The following ELF2 variants were observed in gnomAD, a reference collection of about 807,000 sequenced individuals.
ELF2 encodes ETS-related transcription factor Elf-2.
A neutral mutation model predicts 54.8 loss-of-function variants in ELF2; 11 were observed. That is an observed-to-expected ratio of 0.20 (90% CI 0.13 to 0.33). The LOEUF (loss-of-function observed/expected upper bound fraction) is 0.33. Ranked by LOEUF, ELF2 falls within the 10% of genes least tolerant of loss-of-function variation. The probability of loss-of-function intolerance (pLI) is 1.00; values close to 1 mark genes in which losing one functional copy is unlikely to be tolerated. For synonymous variants in ELF2, 203 were observed against 245.1 expected (o/e 0.83, Z 1.61); for missense variants, 513 against 703.0 (o/e 0.73, Z 3.06).
intron 4 of ELF2, among the ~76,000 whole-genome samples, chr4:139,098,887 TA>T (rs1733583889): frequency 6.6e-6 from 1 of 152,258 alleles, no homozygotes; most frequent in Non-Finnish European, 1.5e-5. Context: ...TCACAATAGA[TA>T]ACTTTAATAT....
At chr4:139,083,830 A>C (rs1255489130) in intron 4 of ELF2, among the ~76,000 whole-genome samples, 1 of 151,938 alleles carries the variant, frequency 6.6e-6, no homozygotes, top group Non-Finnish European at 1.5e-5. Context: ...GCCCAACTTA[A>C]CCGCGGCTCC....
At chr4:139,091,645 G>T (rs551602060) in intron 4 of ELF2, among the ~76,000 whole-genome samples, 1 of 151,860 alleles carries the variant, frequency 6.6e-6, no homozygotes, top group Non-Finnish European at 1.5e-5. Context: ...CATTGCACCC[G>T]GCTATTTTTT....
intron 4 of ELF2, among the ~76,000 whole-genome samples, chr4:139,107,023 G>C (rs899470769): frequency 6.6e-6 from 1 of 152,026 alleles, no homozygotes; most frequent in African/African-American, 2.4e-5. Context: ...TGGGATTACA[G>C]GCGTGTGCCA....
intron 1 of ELF2, among the ~76,000 whole-genome samples, chr4:139,142,012 T>C (rs560627260): frequency 6.6e-6 from 1 of 152,336 alleles, no homozygotes; most frequent in Non-Finnish European, 1.5e-5. Flanking sequence ...CACTATTATA[T>C]GATAGCACAA....
intron 4 of ELF2, among the ~76,000 whole-genome samples, chr4:139,078,774 CTT>C (rs1457158243): frequency 1.3e-5 from 2 of 151,930 alleles, no homozygotes; most frequent in African/African-American, 4.8e-5. Context: ...ATCCTCCGAC[CTT>C]TTTTATCTGA....
chr4:139,121,377 G>C (rs980099598), intron 4 of ELF2, among the ~76,000 whole-genome samples: 2 of 151,658 alleles, frequency 1.3e-5, no homozygotes, highest in African/African-American at 4.8e-5. Context: ...GAAAGTGCTG[G>C]GATTACAGGT....
In ELF2 at chr4:139,081,645, T is replaced by C. The variant is rs1483143156; in HGVS notation, c.239-8078A>G. ...CTCAAGGAGATAAAAAGGTATTCTG[T>C]CCATTACACAAATACAAACTTTAGA... On this transcript the variant is annotated intron_variant, in intron 4 of 9. Transcript: ENST00000686138. Among the ~76,000 whole-genome samples the C allele has an allele frequency of 5.9e-5, 9 of 152,296 alleles. No homozygotes were observed. The East Asian group carries it at 1.7e-3, about 29-fold the overall frequency.
chr4:139,136,673 T>TC (rs1738190777), intron 3 of ELF2: 1 of 151,140 alleles, frequency 6.6e-6, no homozygotes, highest in Non-Finnish European at 1.5e-5. Flanking sequence ...TCTTTTTTTT[T>TC]TTTTTTTTTG....
At chr4:139,120,243 C>G (rs1736173576) in intron 4 of ELF2, among the ~76,000 whole-genome samples, 1 of 150,526 alleles carries the variant, frequency 6.6e-6, no homozygotes, top group South Asian at 2.1e-4. Context: ...TTTTACCTAA[C>G]TGTGCCTCTC....
intron 3 of ELF2, among the ~76,000 whole-genome samples, chr4:139,127,613 C>T (rs113215841): frequency 3.9e-5 from 6 of 152,210 alleles, no homozygotes; most frequent in Admixed American, 6.5e-5. Context: ...CTGGAAACAG[C>T]GCCCAGCCGG....
chr4:139,141,466 A>G (rs1266046853), intron 1 of ELF2, among the ~76,000 whole-genome samples: 1 of 152,232 alleles, frequency 6.6e-6, no homozygotes, highest in East Asian at 1.9e-4. Flanking sequence ...CTCCTTGGCC[A>G]TCCCTTAAAC....
In ELF2 at chr4:139,059,595, C is replaced by T; in HGVS notation, c.1170G>A (p.Val390=). 3 of 1,611,004 alleles carry T rather than the reference C, an allele frequency of 1.9e-6. No individual in the cohort carries two copies. The highest frequency in any genetic ancestry group is 1.1e-5 in the South Asian group (1 of 91,072). Residue 390 remains valine, a synonymous_variant, in exon 10 of 10, where the codon GTG becomes GTA. Transcript: ENST00000686138. ...TCATTACAACAGGTACCTGCATTGCCACACGAACTGTCCTAGTACATTAGA... is the reference window on the plus strand; with the variant it reads ...TCATTACAACAGGTACCTGCATTGCTACACGAACTGTCCTAGTACATTAGA... ...SATAAPRTVR[V]AMQVPVVMTS...
At chr4:139,151,768 T>G (rs1740023351) in intron 1 of ELF2, among the ~76,000 whole-genome samples, 1 of 152,216 alleles carries the variant, frequency 6.6e-6, no homozygotes, top group Non-Finnish European at 1.5e-5. Context: ...TCTTCAAAGT[T>G]TGTCATGAAA....
At chr4:139,116,078 G>A (rs567657411) in intron 4 of ELF2, among the ~76,000 whole-genome samples, 6 of 152,036 alleles carry the variant, frequency 3.9e-5, no homozygotes, top group East Asian at 3.9e-4. Flanking sequence ...TCCTGACCTC[G>A]GCTTCCCAAA....
intron 1 of ELF2, among the ~76,000 whole-genome samples, chr4:139,169,585 C>T (rs1406074230): frequency 6.6e-6 from 1 of 151,630 alleles, no homozygotes; most frequent in Non-Finnish European, 1.5e-5. Context: ...TGGCCGGGCG[C>T]GGTGGCTCAT....
At position 139,088,717 on chromosome 4, in the gene ELF2, C is replaced by G. The variant is rs142728093; in HGVS notation, c.239-15150G>C. 8.3e-4 allele frequency among the ~76,000 whole-genome samples: 126 copies of G among 152,224 alleles called. 1 individual carries two copies. In the East Asian group the frequency reaches 0.021, roughly 25 times the overall value. ...TCTCTCCAGAATGGTATTATCCCCC[C>G]ACTAGGGGGATAAAAGTCCCCCACC... On this transcript the variant is annotated intron_variant, in intron 4 of 9. Coordinates refer to ENST00000686138, the MANE Select transcript of ELF2 (RefSeq NM_001331036.3).
At chr4:139,111,325 G>A (rs796210979) in intron 4 of ELF2, among the ~76,000 whole-genome samples, 3 of 152,034 alleles carry the variant, frequency 2.0e-5, no homozygotes, top group East Asian at 1.9e-4. Context: ...ATTAACTTAC[G>A]CTGTCTAGTC....
intron 4 of ELF2, among the ~76,000 whole-genome samples, chr4:139,119,024 A>C (rs1269809728): frequency 1.3e-5 from 2 of 152,248 alleles, no homozygotes; most frequent in Non-Finnish European, 2.9e-5. Flanking sequence ...TAAAGGGCAA[A>C]AAAACAAAAC....
intron 8 of ELF2, among the ~76,000 whole-genome samples, chr4:139,061,422 A>T (rs888994889): frequency 6.6e-6 from 1 of 152,034 alleles, no homozygotes; most frequent in Non-Finnish European, 1.5e-5. Context: ...TGATCCACCC[A>T]ACTCAGCCTC....
Sources: gnomAD v4.1 joint callset for allele counts (sites outside exome capture counted in the v4.1 genomes callset) on GRCh38, gnomAD v4.1.1 for gene constraint, MANE v1.5 for transcripts, NCBI Gene and HGNC (gene_info 2026-07-23, HGNC 2026-07-21) for gene names.